MGAT4C: variants seen among roughly 807,000 people sequenced by gnomAD.
MGAT4C encodes the protein MGAT4 family member C, also known as alpha-1,3-mannosyl-glycoprotein 4-beta-N-acetylglucosaminyltransferase C.
In MGAT4C, 19 loss-of-function variants were observed where a neutral mutation model predicts 40.1. That is an observed-to-expected ratio of 0.47 (90% confidence interval 0.33 to 0.70). MGAT4C has a LOEUF of 0.70. Ranked by LOEUF, MGAT4C falls within the 30% of genes least tolerant of loss-of-function variation. The probability of loss-of-function intolerance (pLI) is 0.02; values close to 1 mark genes in which losing one functional copy is unlikely to be tolerated. For synonymous variants in MGAT4C, 181 were observed against 187.1 expected (o/e 0.97, Z 0.27); for missense variants, 491 against 563.2 (o/e 0.87, Z 1.30).
At position 85,970,447 on chromosome 12, in the gene MGAT4C, C is replaced by T. The variant is rs565340547; in HGVS notation, c.*8842G>A. 20 of 151,294 alleles carry T rather than the reference C, an allele frequency of 1.3e-4. No individual in the cohort carries two copies. The highest frequency in any genetic ancestry group is 3.4e-4 in the African/African-American group (14 of 41,454). The allele number at this position is 151,294 out of a possible 1,614,324, so 9.4% of individuals were successfully genotyped here. A position where few individuals can be genotyped will look rare whatever the true frequency, so the allele number is the denominator to read the frequency against. On this transcript the variant is annotated 3_prime_UTR_variant, in exon 5 of 5. Coordinates refer to ENST00000611864, the MANE Select transcript of MGAT4C (RefSeq NM_001351288.2). ...TGAAAACTGTTAAATTGATTATGAA[C>T]GTAGGCACATTACTTATAAATCCCC... is the stretch of plus-strand genomic sequence containing the variant.
chr12:86,575,825 A>G (rs1376958112), intron 2 of MGAT4C, among the ~76,000 whole-genome samples: 2 of 151,854 alleles, frequency 1.3e-5, no homozygotes, highest in Non-Finnish European at 2.9e-5. Flanking sequence ...ATTCCCACCA[A>G]CAATGCACAA....
At chr12:86,550,591 C>T (rs1351859344) in intron 2 of MGAT4C, among the ~76,000 whole-genome samples, 1 of 152,172 alleles carries the variant, frequency 6.6e-6, no homozygotes, top group Non-Finnish European at 1.5e-5. Flanking sequence ...ATTTTCATTC[C>T]ACCAAGTCCA....
At position 86,303,382 on chromosome 12, in the gene MGAT4C, A is replaced by G. The variant is rs554022437; in HGVS notation, c.-57+30683T>C. Among the ~76,000 whole-genome samples the G allele has an allele frequency of 9.3e-5, 14 of 150,748 alleles. 1 individual carries two copies. In the East Asian group the frequency reaches 2.3e-3, roughly 25 times the overall value. The stretch of plus-strand genomic sequence containing the variant: ...TATTTATAAGCTATTAAATCTTTAA[A>G]GGAGACCATTAGCTGCATTGTCCCT... On this transcript the variant is annotated intron_variant, in intron 4 of 7. Coordinates refer to the MGAT4C transcript ENST00000548651.
At chr12:86,075,414 C>A (rs1275810068) in intron 1 of MGAT4C, among the ~76,000 whole-genome samples, 1 of 152,142 alleles carries the variant, frequency 6.6e-6, no homozygotes, top group Non-Finnish European at 1.5e-5. Flanking sequence ...TAGCTGCTTT[C>A]CCAGGCTGGC....
chr12:86,034,544 T>G lies in MGAT4C; in HGVS notation c.-7+15130A>C, dbSNP rs374896101. ...TACCTTGTGTGCATAGAAATGTGCA[T>G]AGTAGTCTCTGAGGGTTTTTTGTTG... On this transcript the variant is annotated intron_variant, in intron 2 of 4. Transcript: ENST00000611864. Among the ~76,000 whole-genome samples the G allele has an allele frequency of 7.1e-4, 105 of 147,528 alleles. 10 individuals carry two copies. The highest frequency in any genetic ancestry group is 2.3e-3 in the South Asian group (11 of 4,688).
intron 2 of MGAT4C, among the ~76,000 whole-genome samples, chr12:86,481,541 T>G (rs935126386): frequency 1.3e-5 from 2 of 152,054 alleles, no homozygotes; most frequent in Non-Finnish European, 2.9e-5. Context: ...AGAATCTTCA[T>G]AGCAGTATTA....
chr12:86,021,547 A>C (rs1053814400), intron 2 of MGAT4C, among the ~76,000 whole-genome samples: 1 of 135,734 alleles, frequency 7.4e-6, no homozygotes, highest in African/African-American at 2.8e-5. Flanking sequence ...ATGAGAACAC[A>C]TGGACACAGT....
intron 1 of MGAT4C, among the ~76,000 whole-genome samples, chr12:86,190,332 G>T (rs1889242312): frequency 6.6e-6 from 1 of 151,988 alleles, no homozygotes; most frequent in Non-Finnish European, 1.5e-5. Context: ...AAAGTAAAGA[G>T]GATAATTCAA....
rs112926282 is a variant in MGAT4C, at chr12:86,429,431, A to G, written c.-120+5726T>C. 3.3e-3 allele frequency among the ~76,000 whole-genome samples: 497 copies of G among 152,286 alleles called. 1 individual carries two copies. Among genetic ancestry groups the G allele is most frequent in the African/African-American group, 0.012 (479 of 41,570 alleles). ...TTGTGTGCTTGAGAAGAATGTATACACTGTTGCGGTTGGATGAAATATTTT... is the reference window on the plus strand; with the variant it reads ...TTGTGTGCTTGAGAAGAATGTATACGCTGTTGCGGTTGGATGAAATATTTT... On this transcript the variant is annotated intron_variant, in intron 3 of 7. Coordinates refer to the MGAT4C transcript ENST00000548651.
At chr12:86,322,561 A>C (rs1234214541) in intron 4 of MGAT4C, among the ~76,000 whole-genome samples, 1 of 152,026 alleles carries the variant, frequency 6.6e-6, no homozygotes, top group African/African-American at 2.4e-5. Flanking sequence ...TTTAGAAAAA[A>C]ATGAATTTAG....
intron 2 of MGAT4C, among the ~76,000 whole-genome samples, chr12:86,665,111 C>A (rs1964070968): frequency 6.6e-6 from 1 of 151,582 alleles, no homozygotes; most frequent in South Asian, 2.1e-4. Context: ...TAAAATTAGA[C>A]AAACTGTCTT....
chr12:86,060,823 C>T (rs1170933740), intron 1 of MGAT4C, among the ~76,000 whole-genome samples: 8 of 151,934 alleles, frequency 5.3e-5, no homozygotes, highest in Admixed American at 1.3e-4. Context: ...AAGAAAACCC[C>T]GTGGTGGGCA....
At chr12:86,801,118 G>A (rs2136203207) in intron 1 of MGAT4C, among the ~76,000 whole-genome samples, 1 of 151,870 alleles carries the variant, frequency 6.6e-6, no homozygotes. Flanking sequence ...ATAAGCGTGT[G>A]GTGTAAAGGC....
chr12:86,576,878 T>C (rs1270039094), intron 2 of MGAT4C, among the ~76,000 whole-genome samples: 1 of 151,910 alleles, frequency 6.6e-6, no homozygotes, highest in African/African-American at 2.4e-5. Context: ...GGTATTTTCA[T>C]AGGGATTGCA....
chr12:86,601,782 G>A (rs1310825003), intron 2 of MGAT4C, among the ~76,000 whole-genome samples: 2 of 152,120 alleles, frequency 1.3e-5, no homozygotes, highest in East Asian at 3.9e-4. Flanking sequence ...GGGACTGAAA[G>A]AGCTGTAACA....
At chr12:86,184,928 A>G (rs965323784) in intron 1 of MGAT4C, among the ~76,000 whole-genome samples, 2 of 152,136 alleles carry the variant, frequency 1.3e-5, no homozygotes, top group South Asian at 2.1e-4. Context: ...CTACGTCAAC[A>G]TAACAGAAAT....
intron 1 of MGAT4C, among the ~76,000 whole-genome samples, chr12:86,197,695 C>T (rs920880819): frequency 5.3e-5 from 8 of 152,138 alleles, no homozygotes; most frequent in Non-Finnish European, 1.2e-4. Flanking sequence ...CTAAGATAGA[C>T]AGACAGATAG....
chr12:86,106,549 C>T (rs547443688), intron 1 of MGAT4C, among the ~76,000 whole-genome samples: 18 of 152,182 alleles, frequency 1.2e-4, no homozygotes, highest in Non-Finnish European at 1.8e-4. Flanking sequence ...AAGCAATCCT[C>T]TCGTCTCAGC....
In MGAT4C at chr12:86,482,565, T is replaced by C. The variant is rs1022649892; in HGVS notation, c.-228-47300A>G. Among the ~76,000 whole-genome samples, 80 of 152,098 alleles carry C rather than the reference T, an allele frequency of 5.3e-4. 1 individual carries two copies. Among genetic ancestry groups the C allele is most frequent in the African/African-American group, 1.8e-3 (74 of 41,468 alleles). On this transcript the variant is annotated intron_variant, in intron 2 of 7. Transcript: ENST00000548651. The stretch of plus-strand genomic sequence containing the variant: ...TTCTACCTTCTAAATGTATATGTTG[T>C]TGAACAGAATTCCAACCTTATTTAT...
Sources: allele counts gnomAD v4.1 joint callset (sites outside exome capture counted in the v4.1 genomes callset), GRCh38; gene constraint gnomAD v4.1.1; transcripts MANE v1.5; gene names NCBI Gene and HGNC (gene_info 2026-07-23, HGNC 2026-07-21).